The following KCNMA1 variants were observed in gnomAD, a reference collection of about 807,000 sequenced individuals.
The protein encoded by KCNMA1 is potassium calcium-activated channel subfamily M alpha 1, also known as Calcium-activated potassium channel subunit alpha-1.
Under a neutral mutation model 140.0 loss-of-function variants are expected in KCNMA1, and 29 were observed. The ratio of observed to expected loss-of-function variants is 0.21; its 90% CI spans 0.15 to 0.28. The LOEUF (loss-of-function observed/expected upper bound fraction) is 0.28. Among genes scored for constraint, KCNMA1 ranks in the 10% least tolerant of loss-of-function variants. The pLI is 1.00. For missense variants in KCNMA1, 880 were observed against 1,602.2 expected (o/e 0.55, Z 7.70); for synonymous variants, 612 against 611.9 (o/e 1.00, Z 0.00).
At chr10:77,553,396 G>A (rs895103767) in intron 1 of KCNMA1, among the ~76,000 whole-genome samples, 1 of 152,176 alleles carries the variant, frequency 6.6e-6, no homozygotes, top group Non-Finnish European at 1.5e-5. Flanking sequence ...CTTGGGAGCT[G>A]AGAAGGCAGG....
chr10:77,451,986 T>C (rs1439637567), intron 1 of KCNMA1, among the ~76,000 whole-genome samples: 1 of 152,222 alleles, frequency 6.6e-6, no homozygotes, highest in Non-Finnish European at 1.5e-5. Flanking sequence ...TCCTGCAAAC[T>C]TTGCTAATAG....
At chr10:77,328,060 T>C (rs941281651) in intron 2 of KCNMA1, among the ~76,000 whole-genome samples, 10 of 152,218 alleles carry the variant, frequency 6.6e-5, no homozygotes, top group African/African-American at 2.2e-4. Context: ...TGCTCCACTG[T>C]TTATGACATA....
At chr10:77,285,593 CTT>C (rs1270949782) in intron 2 of KCNMA1, among the ~76,000 whole-genome samples, 5 of 152,048 alleles carry the variant, frequency 3.3e-5, no homozygotes, top group Non-Finnish European at 7.4e-5. Flanking sequence ...ATGTGTTTTT[CTT>C]TTCCCCCACC....
chr10:77,085,458 C>T (rs944575973), intron 11 of KCNMA1, among the ~76,000 whole-genome samples: 1 of 152,154 alleles, frequency 6.6e-6, no homozygotes, highest in African/African-American at 2.4e-5. Context: ...TAACAATTGT[C>T]CCTACGTTCT....
intron 1 of KCNMA1, among the ~76,000 whole-genome samples, chr10:77,431,049 G>A (rs557350869): frequency 4.7e-4 from 71 of 152,230 alleles, no homozygotes; most frequent in African/African-American, 1.1e-3. Context: ...GCAGCTCCCC[G>A]CTTCCCTGAC....
In KCNMA1 at chr10:77,108,338, T is replaced by C; in HGVS notation, c.1223+143A>G. 1 of 1,571,956 alleles carries C rather than the reference T, an allele frequency of 6.4e-7. No homozygotes were observed. The highest frequency in any genetic ancestry group is 1.2e-5 in the South Asian group (1 of 86,404). On this transcript the variant is annotated intron_variant, in intron 9 of 27. Coordinates refer to ENST00000286628, the MANE Select transcript of KCNMA1 (RefSeq NM_001161352.2). This position sits in a 1 kb window ranked among gnomAD's most constrained non-coding sequence, Gnocchi z 4.6. ...CCGCCGAATTTATTCCGACTCAGGA[T>C]GAGAGCAGCAATTTCGGGCACGTAG...
intron 2 of KCNMA1, among the ~76,000 whole-genome samples, chr10:77,329,176 A>T (rs370880005): frequency 1.6e-4 from 25 of 152,156 alleles, no homozygotes; most frequent in African/African-American, 6.0e-4. Flanking sequence ...GGGCTTCCCC[A>T]CCTCTTATAC....
chr10:76,878,644 C>T (rs988694517), intron 29 of KCNMA1, among the ~76,000 whole-genome samples: 10 of 152,162 alleles, frequency 6.6e-5, no homozygotes, highest in African/African-American at 1.4e-4. Context: ...CCCAAGCTGT[C>T]GACAAGGGAG....
chr10:77,115,321 A>G (rs886558892), intron 6 of KCNMA1, among the ~76,000 whole-genome samples: 4 of 152,234 alleles, frequency 2.6e-5, no homozygotes, highest in African/African-American at 9.6e-5. Context: ...TTACCAGATT[A>G]TAATAATTGC....
intron 1 of KCNMA1, among the ~76,000 whole-genome samples, chr10:77,539,549 AG>A (rs2059698004): frequency 6.6e-6 from 1 of 152,184 alleles, no homozygotes; most frequent in South Asian, 2.1e-4. Context: ...CAGCTCTGGC[AG>A]GGCCCCTCAT....
chr10:77,281,595 G>A (rs982529615), intron 2 of KCNMA1, among the ~76,000 whole-genome samples: 2 of 152,150 alleles, frequency 1.3e-5, no homozygotes, highest in African/African-American at 4.8e-5. Flanking sequence ...CAATACGATT[G>A]AGGAAAATCA....
At chr10:77,313,120 C>T (rs182087737) in intron 2 of KCNMA1, among the ~76,000 whole-genome samples, 113 of 152,262 alleles carry the variant, frequency 7.4e-4, no homozygotes, top group Middle Eastern at 3.4e-3. Flanking sequence ...TCAGACTCCG[C>T]GTTGGTCTGT....
chr10:77,206,951 A>G (rs1446342291), intron 3 of KCNMA1, among the ~76,000 whole-genome samples: 1 of 151,976 alleles, frequency 6.6e-6, no homozygotes, highest in East Asian at 1.9e-4. Context: ...TGTCTATATG[A>G]TTTTTTTGTA....
intron 1 of KCNMA1, among the ~76,000 whole-genome samples, chr10:77,452,644 G>A (rs931213711): frequency 1.3e-5 from 2 of 152,144 alleles, no homozygotes; most frequent in African/African-American, 4.8e-5. Context: ...AGAGCTGTTG[G>A]CCACTTGGCT....
chr10:77,047,693 G>A (rs1194493554), intron 14 of KCNMA1, among the ~76,000 whole-genome samples: 1 of 150,412 alleles, frequency 6.6e-6, no homozygotes, highest in African/African-American at 2.4e-5. Context: ...TTTAAAGATT[G>A]GCCTATTCAC....
intron 1 of KCNMA1, among the ~76,000 whole-genome samples, chr10:77,410,611 C>T (rs1345447080): frequency 6.6e-6 from 1 of 152,266 alleles, no homozygotes; most frequent in Non-Finnish European, 1.5e-5. Context: ...CAACACCCTC[C>T]TATGGCTTCT....
At chr10:77,012,545 G>C in intron 17 of KCNMA1, 1 of 1,550,046 alleles carries the variant, frequency 6.5e-7, no homozygotes, top group Non-Finnish European at 8.7e-7. Flanking sequence ...AAGGGAGACA[G>C]AGTTGAGGAG....
intron 1 of KCNMA1, among the ~76,000 whole-genome samples, chr10:77,556,243 T>C (rs2154557961): frequency 6.6e-6 from 1 of 152,218 alleles, no homozygotes; most frequent in South Asian, 2.1e-4. Context: ...CGGTGGCTCA[T>C]GCTGTAATCC....
In KCNMA1 at chr10:76,975,968, G is replaced by A. The variant is rs541670742; in HGVS notation, c.2267-5901C>T. On this transcript the variant is annotated intron_variant, in intron 19 of 27. Transcript: ENST00000286628. Reference sequence around the variant, plus strand: ...GCTGCCCCTTAAAAGCAACCCCAACGATCATAATATCTCAAACATATACAC... The same window carrying A: ...GCTGCCCCTTAAAAGCAACCCCAACAATCATAATATCTCAAACATATACAC... Among the ~76,000 whole-genome samples, 9 of 152,060 alleles carry A rather than the reference G, an allele frequency of 5.9e-5. No individual in the cohort carries two copies. In the South Asian group the frequency reaches 1.5e-3, roughly 25 times the overall value.
Sources: allele counts gnomAD v4.1 joint callset (sites outside exome capture counted in the v4.1 genomes callset), GRCh38; gene constraint gnomAD v4.1.1; non-coding constraint Gnocchi (gnomAD v3.1); transcripts MANE v1.5; gene names NCBI Gene and HGNC (gene_info 2026-07-23, HGNC 2026-07-21).